Variants in SLC24A3 observed in about 807,000 individuals in gnomAD.
The protein encoded by SLC24A3 is sodium/potassium/calcium exchanger 3.
Under a neutral mutation model 75.8 loss-of-function variants are expected in SLC24A3, and 28 were observed. The observed-to-expected ratio is 0.37, with a 90% CI of 0.27 to 0.51. The LOEUF is 0.51. SLC24A3 is among the 20% of genes least tolerant of loss of function. The probability of loss-of-function intolerance (pLI) is 0.94; values close to 1 mark genes in which losing one functional copy is unlikely to be tolerated. For missense variants in SLC24A3, 663 were observed against 847.8 expected, an observed-to-expected ratio of 0.78 and a Z score of 2.71; for synonymous variants, 372 against 334.1, an observed-to-expected ratio of 1.11 and a Z score of -1.24.
At chr20:19,265,613 G>A (rs1239005611) in intron 1 of SLC24A3, 1 of 152,218 alleles carries the variant, frequency 6.6e-6, no homozygotes, top group Non-Finnish European at 1.5e-5. Context: ...GCTAAAAAGG[G>A]AATACATTGC....
At chr20:19,436,912 G>A (rs1987213979) in intron 2 of SLC24A3, among the ~76,000 whole-genome samples, 1 of 152,190 alleles carries the variant, frequency 6.6e-6, no homozygotes, top group African/African-American at 2.4e-5. Context: ...TCACATCAGA[G>A]GATAGCAGCC....
At chr20:19,453,188 A>G (rs1392763270) in intron 2 of SLC24A3, among the ~76,000 whole-genome samples, 1 of 152,076 alleles carries the variant, frequency 6.6e-6, no homozygotes, top group East Asian at 1.9e-4. Flanking sequence ...TCGAACAACA[A>G]CAACAACAAC....
At chr20:19,443,230 T>C (rs1169949377) in intron 2 of SLC24A3, among the ~76,000 whole-genome samples, 2 of 152,192 alleles carry the variant, frequency 1.3e-5, no homozygotes, top group Non-Finnish European at 2.9e-5. Flanking sequence ...CTTGCTATGA[T>C]ATTGATTTTA....
intron 2 of SLC24A3, among the ~76,000 whole-genome samples, chr20:19,408,008 TA>T (rs1986678493): frequency 6.6e-6 from 1 of 152,154 alleles, no homozygotes; most frequent in Non-Finnish European, 1.5e-5. Flanking sequence ...CTGTAACACT[TA>T]AAAAAATACC....
At chr20:19,711,949 TTTTG>T (rs369245728) in intron 15 of SLC24A3, among the ~76,000 whole-genome samples, 9,612 of 151,806 alleles carry the variant, frequency 0.063, 348 homozygotes, top group Non-Finnish European at 0.075. Context: ...CAGATGCTCA[TTTTG>T]TTTGTTTGTT....
chr20:19,495,918 C>G lies in SLC24A3; in HGVS notation c.272-19570C>G, dbSNP rs553401399. Among the ~76,000 whole-genome samples, 111 of 152,334 alleles carry G rather than the reference C, an allele frequency of 7.3e-4. 1 individual carries two copies. The highest frequency in any genetic ancestry group is 7.2e-3 in the Admixed American group (110 of 15,308). Reference sequence around the variant, plus strand: ...TCCAACACACCAATACATAGCCACACAGTGGATTCTGTTTGGCTCTTTGGA... The same window carrying G: ...TCCAACACACCAATACATAGCCACAGAGTGGATTCTGTTTGGCTCTTTGGA... On this transcript the variant is annotated intron_variant, in intron 2 of 16. Coordinates refer to ENST00000328041, the MANE Select transcript of SLC24A3 (RefSeq NM_020689.4).
At chr20:19,636,560 C>A (rs2032005070) in intron 6 of SLC24A3, among the ~76,000 whole-genome samples, 1 of 152,200 alleles carries the variant, frequency 6.6e-6, no homozygotes, top group Non-Finnish European at 1.5e-5. Context: ...TACATTCTCT[C>A]TTTTATTTTG....
intron 6 of SLC24A3, among the ~76,000 whole-genome samples, chr20:19,624,744 A>G (rs751885344): frequency 8.5e-5 from 13 of 152,196 alleles, no homozygotes; most frequent in Non-Finnish European, 1.8e-4. Flanking sequence ...CACACTGTGC[A>G]TGACCACTTA....
At chr20:19,598,028 C>T (rs113168643) in intron 6 of SLC24A3, among the ~76,000 whole-genome samples, 4,906 of 152,208 alleles carry the variant, frequency 0.032, 101 homozygotes, top group Non-Finnish European at 0.047. Flanking sequence ...CTGCAACAAA[C>T]GACAGTGCAG....
At chr20:19,465,356 A>G (rs2122500136) in intron 2 of SLC24A3, among the ~76,000 whole-genome samples, 1 of 151,670 alleles carries the variant, frequency 6.6e-6, no homozygotes, top group South Asian at 2.1e-4. Context: ...CCCATTTGGA[A>G]GAGTTACCCC....
At chr20:19,679,242 T>C (rs1441949260) in intron 9 of SLC24A3, among the ~76,000 whole-genome samples, 4 of 152,152 alleles carry the variant, frequency 2.6e-5, no homozygotes, top group Non-Finnish European at 5.9e-5. Context: ...AGACACCGTC[T>C]GCAATCCCAG....
chr20:19,676,840 G>C (rs1264560907), intron 9 of SLC24A3, among the ~76,000 whole-genome samples: 1 of 152,218 alleles, frequency 6.6e-6, no homozygotes, highest in African/African-American at 2.4e-5. Context: ...GGGTATGTGT[G>C]CTGGTGGTTA....
At chr20:19,478,224 C>A (rs930144895) in intron 2 of SLC24A3, among the ~76,000 whole-genome samples, 4 of 152,198 alleles carry the variant, frequency 2.6e-5, no homozygotes, top group African/African-American at 9.6e-5. Context: ...CCTCCCTCTA[C>A]TCCCTGGGAG....
rs575873573 is a variant in SLC24A3, at chr20:19,511,470, G to A, written c.272-4018G>A. On this transcript the variant is annotated intron_variant, in intron 2 of 16. Coordinates refer to ENST00000328041, the MANE Select transcript of SLC24A3 (RefSeq NM_020689.4). Reference sequence around the variant, plus strand: ...AGCCTCCCAGGTAGCTGGGACTACAGGCGCCCGCCACCACGCCCGGCTAAT... The same window carrying A: ...AGCCTCCCAGGTAGCTGGGACTACAAGCGCCCGCCACCACGCCCGGCTAAT... Among the ~76,000 whole-genome samples the A allele has an allele frequency of 5.3e-5, 8 of 152,210 alleles. No individual in the cohort carries two copies. In the South Asian group the frequency reaches 1.7e-3, roughly 32 times the overall value.
At chr20:19,599,782 G>A (rs78723847) in intron 6 of SLC24A3, among the ~76,000 whole-genome samples, 4,026 of 152,224 alleles carry the variant, frequency 0.026, 160 homozygotes, top group African/African-American at 0.093. Flanking sequence ...AGAATGAAGC[G>A]TGGGAAGACG....
intron 6 of SLC24A3, among the ~76,000 whole-genome samples, chr20:19,610,174 A>T (rs1241226217): frequency 4.0e-5 from 6 of 148,894 alleles, no homozygotes; most frequent in African/African-American, 1.5e-4. Flanking sequence ...TTTTCCTTCC[A>T]CTTCCTTCTT....
chr20:19,522,347 G>C (rs1458729024), intron 3 of SLC24A3, among the ~76,000 whole-genome samples: 4 of 152,156 alleles, frequency 2.6e-5, no homozygotes, highest in African/African-American at 9.7e-5. Flanking sequence ...AAACAAGCAG[G>C]ATGTATAGAA....
At chr20:19,381,450 G>C (rs1239956678) in intron 2 of SLC24A3, among the ~76,000 whole-genome samples, 3 of 152,218 alleles carry the variant, frequency 2.0e-5, no homozygotes, top group African/African-American at 7.2e-5. Flanking sequence ...TGTGAGCCAA[G>C]CTCTGAATAG....
At chr20:19,260,878 C>T (rs1348675465) in intron 1 of SLC24A3, among the ~76,000 whole-genome samples, 1 of 152,192 alleles carries the variant, frequency 6.6e-6, no homozygotes, top group Non-Finnish European at 1.5e-5. Context: ...TCAGTGACTT[C>T]CTGTTTATCA....
Sources: gnomAD v4.1 joint callset for allele counts (sites outside exome capture counted in the v4.1 genomes callset) on GRCh38, gnomAD v4.1.1 for gene constraint, MANE v1.5 for transcripts, NCBI Gene and HGNC (gene_info 2026-07-23, HGNC 2026-07-21) for gene names.